Variants in FRMPD4 observed in about 807,000 individuals in gnomAD.
The protein encoded by FRMPD4 is FERM and PDZ domain-containing protein 4.
In FRMPD4, 22 loss-of-function variants were observed where a neutral mutation model predicts 94.1. The ratio of observed to expected loss-of-function variants is 0.23; its 90% confidence interval spans 0.17 to 0.33. FRMPD4 has a LOEUF of 0.33. Ranked by LOEUF, FRMPD4 falls within the 10% of genes least tolerant of loss-of-function variation. The pLI is 1.00. For missense variants in FRMPD4, 1,111 were observed against 1,339.9 expected, an observed-to-expected ratio of 0.83 and a Z score of 2.67; for synonymous variants, 631 against 548.6, an observed-to-expected ratio of 1.15 and a Z score of -2.10.
Position 12,544,827 on chromosome X carries a change from A to G in FRMPD4, c.158+46031A>G, listed in dbSNP as rs1299987931. Among the ~76,000 whole-genome samples the G allele has an allele frequency of 8.1e-5, 9 of 111,675 alleles. No homozygotes were observed. In the Admixed American group the frequency reaches 8.6e-4, roughly 11 times the overall value. ...CCCATAGCTTTACAGGGGTGCAATC[A>G]TGCTGCCCAGGTCTTTGGAGGTGAA... On this transcript the variant is annotated intron_variant, in intron 2 of 16. Transcript: ENST00000675598.
chrX:11,942,877 C>G (rs916078267), intron 3 of FRMPD4, among the ~76,000 whole-genome samples: 2 of 111,819 alleles, frequency 1.8e-5, no homozygotes, highest in Non-Finnish European at 3.8e-5. Context: ...CTCCTCCTAA[C>G]CCCTGGCAAC....
chrX:11,958,035 TC>T (rs1569132665), intron 3 of FRMPD4, among the ~76,000 whole-genome samples: 2 of 112,088 alleles, frequency 1.8e-5, no homozygotes, highest in African/African-American at 6.5e-5. Flanking sequence ...CCCCAATTGG[TC>T]TTTTGTTCAG....
intron 3 of FRMPD4, among the ~76,000 whole-genome samples, chrX:12,030,219 G>T (rs2147432473): frequency 8.9e-6 from 1 of 111,864 alleles, no homozygotes; most frequent in Non-Finnish European, 1.9e-5. Context: ...CAAAGCAAAA[G>T]GTTTTCTAGA....
intron 1 of FRMPD4, among the ~76,000 whole-genome samples, chrX:12,496,014 G>T (rs2057846096): frequency 9.0e-6 from 1 of 111,667 alleles, no homozygotes; most frequent in Admixed American, 9.5e-5. Context: ...TGCAGATTCT[G>T]CATTTCTAAC....
intron 4 of FRMPD4, among the ~76,000 whole-genome samples, chrX:12,622,015 A>AAAGAAAGAAAGAAAGGAAGGAAGG (rs1398888625): frequency 4.5e-5 from 1 of 22,006 alleles, no homozygotes; most frequent in African/African-American, 2.1e-4. Flanking sequence ...AGAAAGAAAG[A>AAAGAAAGAAAGAAAGGAAGGAAGG]AAGGAAGGAA....
chrX:12,009,801 C>T, intron 3 of FRMPD4, among the ~76,000 whole-genome samples: 1 of 112,259 alleles, frequency 8.9e-6, no homozygotes, highest in Middle Eastern at 4.6e-3. Context: ...CTTGTATCTT[C>T]TAAAGTGTTG....
chrX:12,094,547 A>G (rs1049173146), intron 3 of FRMPD4, among the ~76,000 whole-genome samples: 3 of 111,953 alleles, frequency 2.7e-5, no homozygotes, highest in Admixed American at 9.5e-5. Context: ...ACCTTCAACT[A>G]TGGCCGTGTC....
chrX:12,352,845 A>G (rs1226853271), intron 1 of FRMPD4, among the ~76,000 whole-genome samples: 1 of 112,172 alleles, frequency 8.9e-6, no homozygotes, highest in Non-Finnish European at 1.9e-5. Context: ...ACTTTTTGAC[A>G]TGCCTGTGTT....
intron 1 of FRMPD4, among the ~76,000 whole-genome samples, chrX:12,326,336 G>T (rs1311551148): frequency 8.9e-6 from 1 of 111,857 alleles, no homozygotes; most frequent in Non-Finnish European, 1.9e-5. Flanking sequence ...TGAGGAGTTG[G>T]ACCACAACAG....
chrX:12,718,382 A>C lies in FRMPD4; in HGVS notation c.3556A>C (p.Ser1186Arg), dbSNP rs1166621119. ...TTCCAAGCTTCCTGAGGCTGATGAG[A>C]GTGTGGCCCGCCTTTGTGACTACCA... ...HPSKLPEADE[S>R]VARLCDYHLA... The change falls in exon 16 of 17, where the codon AGT becomes CGT. Residue 1186 changes from serine (S) to arginine (R), a missense_variant. By Grantham distance (110) the Ser-to-Arg change is moderately radical (BLOSUM62 -1). This residue lies in a region of FRMPD4 where 551 missense variants were observed against 591.6 expected (regional missense o/e 0.93). Coordinates refer to ENST00000675598, the MANE Select transcript of FRMPD4 (RefSeq NM_001368397.1). 1 of 1,211,417 alleles carries C rather than the reference A, an allele frequency of 8.3e-7. No homozygotes were observed. The highest frequency in any genetic ancestry group is 3.0e-5 in the East Asian group (1 of 33,804).
At chrX:12,682,554 T>G (rs1051692352) in intron 5 of FRMPD4, among the ~76,000 whole-genome samples, 10 of 112,752 alleles carry the variant, frequency 8.9e-5, no homozygotes, top group Non-Finnish European at 1.9e-4. Flanking sequence ...ATGTAATTCT[T>G]TTTAAAAATA....
chrX:11,970,366 G>T lies in FRMPD4; in HGVS notation c.95+92348G>T, dbSNP rs183541315. On this transcript the variant is annotated intron_variant, in intron 3 of 18. Coordinates refer to the FRMPD4 transcript ENST00000640291. ...AGACCTACATTCCCAGATGAGATCA[G>T]ATGCTCACCACATGTGCGCAAGCTT... is the stretch of plus-strand genomic sequence containing the variant. Among the ~76,000 whole-genome samples the T allele has an allele frequency of 1.3e-3, 140 of 111,887 alleles. 1 individual carries two copies. The highest frequency in any genetic ancestry group is 2.0e-3 in the Non-Finnish European group (106 of 53,133).
At chrX:12,410,610 A>G (rs1263437996) in intron 1 of FRMPD4, among the ~76,000 whole-genome samples, 2 of 111,529 alleles carry the variant, frequency 1.8e-5, no homozygotes, top group African/African-American at 6.5e-5. Context: ...GTCAAAATTG[A>G]TCCTGCCCAC....
intron 1 of FRMPD4, among the ~76,000 whole-genome samples, chrX:12,177,203 G>A (rs1422579439): frequency 8.9e-6 from 1 of 111,972 alleles, no homozygotes; most frequent in Non-Finnish European, 1.9e-5. Context: ...AAAGGAAGTG[G>A]ATGTGCTTTT....
In FRMPD4 at chrX:12,651,001, T is replaced by C. The variant is rs1178492758; in HGVS notation, c.423-23862T>C. Among the ~76,000 whole-genome samples the C allele has an allele frequency of 2.7e-5, 3 of 112,990 alleles. No homozygotes were observed. The East Asian group carries it at 8.3e-4, about 31-fold the overall frequency. ...GAGCATGCAGTATCAGTGTTTGCCC[T>C]TGGGACCAGACATTTGCAGTTGCCT... On this transcript the variant is annotated intron_variant, in intron 4 of 16. Coordinates refer to ENST00000675598, the MANE Select transcript of FRMPD4 (RefSeq NM_001368397.1).
At chrX:12,268,349 G>A (rs1425583298) in intron 1 of FRMPD4, among the ~76,000 whole-genome samples, 1 of 112,105 alleles carries the variant, frequency 8.9e-6, no homozygotes, top group Non-Finnish European at 1.9e-5. Flanking sequence ...ATAATCATAG[G>A]CAGAAAAAGA....
intron 1 of FRMPD4, among the ~76,000 whole-genome samples, chrX:12,395,333 A>G (rs1008014759): frequency 2.7e-5 from 3 of 112,337 alleles, no homozygotes; most frequent in African/African-American, 9.7e-5. Flanking sequence ...TATGAAAGCC[A>G]TTAAGTTGGT....
intron 1 of FRMPD4, among the ~76,000 whole-genome samples, chrX:12,479,405 C>CATATATATACATATATACACAT (rs1555971401): frequency 1.7e-4 from 15 of 87,228 alleles, no homozygotes; most frequent in South Asian, 1.3e-3. Flanking sequence ...CATATATACA[C>CATATATATACATATATACACAT]ATATATATAC....
chrX:11,893,431 G>A (rs2053885567), intron 3 of FRMPD4, among the ~76,000 whole-genome samples: 2 of 112,061 alleles, frequency 1.8e-5, no homozygotes, highest in African/African-American at 3.2e-5. Context: ...AATTCTTAAA[G>A]GTTTTAAGTT....
Sources: gnomAD v4.1 joint callset for allele counts (sites outside exome capture counted in the v4.1 genomes callset) on GRCh38, gnomAD v4.1.1 for gene constraint, gnomAD v4.1.1 regional missense constraint, MANE v1.5 for transcripts, NCBI Gene and HGNC (gene_info 2026-07-23, HGNC 2026-07-21) for gene names.